CPNE8: variants seen among roughly 807,000 people sequenced by gnomAD.
The protein encoded by CPNE8 is copine-8.
A neutral mutation model predicts 81.5 loss-of-function variants in CPNE8; 45 were observed. That is an observed-to-expected ratio of 0.55 (90% CI 0.44 to 0.71). The LOEUF (loss-of-function observed/expected upper bound fraction) is 0.71. CPNE8 is among the 30% of genes least tolerant of loss of function. The pLI, the probability that CPNE8 is intolerant of heterozygous loss-of-function variation, is 0.00. For missense variants in CPNE8, 594 were observed against 672.1 expected (o/e 0.88, Z 1.28); for synonymous variants, 252 against 226.3 (o/e 1.11, Z -1.02).
At chr12:38,875,658 T>C (rs1944055690) in intron 1 of CPNE8, among the ~76,000 whole-genome samples, 1 of 152,138 alleles carries the variant, frequency 6.6e-6, no homozygotes. Context: ...TGAATCACTA[T>C]ACACTGAAAA....
intron 1 of CPNE8, among the ~76,000 whole-genome samples, chr12:38,875,727 G>A (rs1223242086): frequency 6.6e-6 from 1 of 152,102 alleles, no homozygotes; most frequent in Non-Finnish European, 1.5e-5. Context: ...ATCATGTCTT[G>A]AAATATTCCT....
intron 6 of CPNE8, among the ~76,000 whole-genome samples, chr12:38,821,746 C>A (rs565487161): frequency 1.4e-4 from 21 of 152,304 alleles, no homozygotes; most frequent in African/African-American, 5.1e-4. Flanking sequence ...AGCAGAGAAT[C>A]ATGGGAATCT....
intron 1 of CPNE8, among the ~76,000 whole-genome samples, chr12:38,885,926 C>G (rs908216723): frequency 6.6e-6 from 1 of 152,224 alleles, no homozygotes; most frequent in African/African-American, 2.4e-5. Flanking sequence ...TCCCCTTGTG[C>G]CTTCCACCAT....
At chr12:38,827,960 C>G (rs1331840231) in intron 6 of CPNE8, among the ~76,000 whole-genome samples, 1 of 152,142 alleles carries the variant, frequency 6.6e-6, no homozygotes, top group East Asian at 1.9e-4. Context: ...ACAAGTACCT[C>G]TGAACCTAAA....
At chr12:38,749,736 A>G (rs555270312) in intron 10 of CPNE8, among the ~76,000 whole-genome samples, 64 of 152,312 alleles carry the variant, frequency 4.2e-4, no homozygotes, top group African/African-American at 1.5e-3. Flanking sequence ...TCTAAGCAGC[A>G]AAGCATTCAA....
intron 6 of CPNE8, among the ~76,000 whole-genome samples, chr12:38,776,986 C>A (rs1050160299): frequency 2.0e-5 from 3 of 150,424 alleles, no homozygotes; most frequent in Non-Finnish European, 4.4e-5. Flanking sequence ...CTATACTATA[C>A]TTTTTATCAT....
intron 7 of CPNE8, among the ~76,000 whole-genome samples, chr12:38,774,243 T>G (rs1941871460): frequency 6.6e-6 from 1 of 152,164 alleles, no homozygotes; most frequent in South Asian, 2.1e-4. Context: ...TAGTACTGTA[T>G]TCATGACACA....
intron 19 of CPNE8, among the ~76,000 whole-genome samples, chr12:38,661,970 A>C (rs576416769): frequency 2.6e-5 from 4 of 152,204 alleles, no homozygotes; most frequent in Non-Finnish European, 5.9e-5. Context: ...CTTCAGGATA[A>C]AAATTGTCTG....
At chr12:38,883,074 C>T (rs756236589) in intron 1 of CPNE8, among the ~76,000 whole-genome samples, 3 of 152,154 alleles carry the variant, frequency 2.0e-5, no homozygotes, top group South Asian at 2.1e-4. Flanking sequence ...AAGTGCCAGG[C>T]GCTGAGCTGG....
At chr12:38,714,937 C>T (rs1344941996) in intron 13 of CPNE8, among the ~76,000 whole-genome samples, 1 of 151,950 alleles carries the variant, frequency 6.6e-6, no homozygotes. Flanking sequence ...AAATAAGTTC[C>T]TTTGAAGGAA....
intron 4 of CPNE8, among the ~76,000 whole-genome samples, chr12:38,841,093 G>T (rs1943461905): frequency 6.6e-6 from 1 of 152,114 alleles, no homozygotes; most frequent in Admixed American, 6.5e-5. Context: ...TGAGTATACG[G>T]ATGCTAGGCA....
chr12:38,785,358 A>G (rs923299788), intron 6 of CPNE8, among the ~76,000 whole-genome samples: 1 of 132,678 alleles, frequency 7.5e-6, no homozygotes, highest in South Asian at 2.3e-4. Context: ...ATTAACCAAT[A>G]AAAAAAAAAA....
chr12:38,896,010 A>T (rs1408622119), intron 1 of CPNE8, among the ~76,000 whole-genome samples: 1 of 152,092 alleles, frequency 6.6e-6, no homozygotes, highest in Admixed American at 6.6e-5. Flanking sequence ...TCAGAATTGC[A>T]AGGATTGAAT....
Position 38,685,634 on chromosome 12 carries a change from GCAAAA to G in CPNE8, c.1144-22_1144-18del, listed in dbSNP as rs573296580. The stretch of plus-strand genomic sequence containing the variant: ...ATTCCCATTCTGTAGAAATTTATAG[GCAAAA>G]CAAAACAAAACAACAGTAAAAAAGT... On this transcript the variant is annotated intron_variant, in intron 15 of 19. Transcript: ENST00000331366. 2.1e-5 allele frequency: 33 copies of G among 1,603,654 alleles called. No individual in the cohort carries two copies. The highest frequency in any genetic ancestry group is 5.2e-5 in the Admixed American group (3 of 58,204).
intron 8 of CPNE8, among the ~76,000 whole-genome samples, chr12:38,766,322 AT>A (rs1370775405): frequency 6.6e-6 from 1 of 152,170 alleles, no homozygotes; most frequent in Admixed American, 6.5e-5. Flanking sequence ...TCATAAGAAC[AT>A]TTTCATTCAA....
intron 6 of CPNE8, among the ~76,000 whole-genome samples, chr12:38,795,905 T>TAGATGAC (rs1942456858): frequency 3.6e-4 from 53 of 148,356 alleles, no homozygotes; most frequent in African/African-American, 1.3e-3. Flanking sequence ...AGATAGAAGA[T>TAGATGAC]AGATAATACA....
chr12:38,744,519 A>G (rs1621467), intron 10 of CPNE8, among the ~76,000 whole-genome samples: 122,662 of 152,136 alleles, frequency 0.81, 52,425 homozygotes, highest in Middle Eastern at 0.97. Context: ...TTTTAGAATT[A>G]TGTTTTACAT....
At chr12:38,785,093 G>GC (rs1449550087) in intron 6 of CPNE8, among the ~76,000 whole-genome samples, 1 of 151,842 alleles carries the variant, frequency 6.6e-6, no homozygotes, top group East Asian at 1.9e-4. Context: ...TATTCAGAAG[G>GC]CTGAGGCAAG....
At chr12:38,813,604 G>C (rs1159019665) in intron 6 of CPNE8, among the ~76,000 whole-genome samples, 2 of 152,174 alleles carry the variant, frequency 1.3e-5, no homozygotes, top group African/African-American at 4.8e-5. Context: ...AACATTGATG[G>C]CATAAAGTTG....
Sources: gnomAD v4.1 joint callset for allele counts (sites outside exome capture counted in the v4.1 genomes callset) on GRCh38, gnomAD v4.1.1 for gene constraint, MANE v1.5 for transcripts, NCBI Gene and HGNC (gene_info 2026-07-23, HGNC 2026-07-21) for gene names.